The following GREB1L variants were observed in gnomAD, a reference collection of about 807,000 sequenced individuals.
GREB1L encodes GREB1-like protein.
In GREB1L, 17 loss-of-function variants were observed where a neutral mutation model predicts 200.8. The ratio of observed to expected loss-of-function variants is 0.08; its 90% CI spans 0.06 to 0.13. The LOEUF (loss-of-function observed/expected upper bound fraction) is 0.13, where lower values mean the gene tolerates loss of function less well. Among genes scored for constraint, GREB1L ranks in the 10% least tolerant of loss-of-function variants. GREB1L has a pLI of 1.00. For missense variants in GREB1L, 1,657 were observed against 2,367.7 expected, an observed-to-expected ratio of 0.70 and a Z score of 6.23; for synonymous variants, 789 against 893.0, an observed-to-expected ratio of 0.88 and a Z score of 2.08.
chr18:21,408,062 A>G (rs1227538388), intron 7 of GREB1L, among the ~76,000 whole-genome samples: 1 of 152,244 alleles, frequency 6.6e-6, no homozygotes, highest in Non-Finnish European at 1.5e-5. Flanking sequence ...GCAGAGCAGC[A>G]TGACTATAGT....
chr18:21,355,697 A>G (rs1055825545), intron 1 of GREB1L, among the ~76,000 whole-genome samples: 3 of 152,192 alleles, frequency 2.0e-5, no homozygotes, highest in African/African-American at 7.2e-5. Context: ...AGTTTCAGAA[A>G]TCTACTCAAA....
chr18:21,255,476 A>G (rs1049480526), intron 1 of GREB1L, among the ~76,000 whole-genome samples: 2 of 152,170 alleles, frequency 1.3e-5, no homozygotes, highest in Non-Finnish European at 2.9e-5. Context: ...AAGCATACCT[A>G]TTATTTACAC....
Position 21,427,905 on chromosome 18 carries a change from T to C in GREB1L, c.833-11616T>C, listed in dbSNP as rs1285356946. ...AATAGAAGCGGCAAGAGTGGACATA[T>C]CTTGGCCGGGCGCGGTGGCTCACGC... On this transcript the variant is annotated intron_variant, in intron 7 of 32. Transcript: ENST00000424526. 3.3e-5 allele frequency among the ~76,000 whole-genome samples: 5 copies of C among 152,210 alleles called. No homozygotes were observed. The East Asian group carries it at 9.7e-4, about 29-fold the overall frequency.
chr18:21,438,283 A>C (rs769946465), intron 7 of GREB1L, among the ~76,000 whole-genome samples: 1 of 152,146 alleles, frequency 6.6e-6, no homozygotes, highest in Non-Finnish European at 1.5e-5. Flanking sequence ...AAAGAAGAAG[A>C]AGAAAAAAAG....
intron 30 of GREB1L, 99 bp from the exon 31 acceptor site, chr18:21,517,935 C>T (rs2037476162): frequency 2.3e-6 from 2 of 882,312 alleles, no homozygotes; most frequent in South Asian, 3.3e-5. Context: ...TGTGCTACTG[C>T]TATTATTTGG....
intron 1 of GREB1L, among the ~76,000 whole-genome samples, chr18:21,319,960 G>A (rs1314927289): frequency 6.6e-6 from 1 of 152,222 alleles, no homozygotes; most frequent in African/African-American, 2.4e-5. Context: ...AAAGCAGTCT[G>A]TGGGTAAGGC....
At chr18:21,495,149 C>G (rs937103843) in intron 19 of GREB1L, among the ~76,000 whole-genome samples, 4 of 152,018 alleles carry the variant, frequency 2.6e-5, no homozygotes, top group Admixed American at 2.0e-4. Flanking sequence ...TTTTAAAAGT[C>G]AGTAAAGCAA....
At chr18:21,275,311 G>T (rs1365408660) in intron 1 of GREB1L, among the ~76,000 whole-genome samples, 1 of 152,130 alleles carries the variant, frequency 6.6e-6, no homozygotes, top group Non-Finnish European at 1.5e-5. Context: ...TGAGAGAAAT[G>T]TAGGAAATAG....
At chr18:21,462,379 G>A (rs1397539775) in intron 15 of GREB1L, among the ~76,000 whole-genome samples, 1 of 152,198 alleles carries the variant, frequency 6.6e-6, no homozygotes, top group African/African-American at 2.4e-5. Flanking sequence ...GCTTATTTTT[G>A]AAAAACAAAA....
chr18:21,508,396 G>A lies in GREB1L; in HGVS notation c.4540G>A (p.Ala1514Thr). The A allele has an allele frequency of 6.4e-7, 1 of 1,551,472 alleles. No homozygotes were observed. The highest frequency in any genetic ancestry group is 2.0e-5 in the Admixed American group (1 of 50,982). ...TTTTCCCTTTCAGCAGAATTTGAAT[G>A]CAGTCAAGAGCCCTATTTTCACTCC... ...LPLVSDKNLN[A>T]VKSPIFTPSS... Residue 1514 changes from alanine to threonine, a missense_variant, in exon 27 of 33, where the codon GCA (alanine) becomes ACA (threonine). Coordinates refer to ENST00000424526, the MANE Select transcript of GREB1L (RefSeq NM_001142966.3).
At chr18:21,299,369 C>T (rs1038421215) in intron 1 of GREB1L, among the ~76,000 whole-genome samples, 4 of 151,382 alleles carry the variant, frequency 2.6e-5, no homozygotes, top group Admixed American at 6.6e-5. Flanking sequence ...AGAAAATATT[C>T]GGATCTTTTT....
Position 21,257,737 on chromosome 18 carries a change from T to G in GREB1L, c.-120+15344T>G, listed in dbSNP as rs200508692. ...TATGCACAAAACACAGCTTTTGATT[T>G]AAAAAACTGCCATAAAGGTCTTCTC... On this transcript the variant is annotated intron_variant, in intron 1 of 32. Transcript: ENST00000424526. 2.6e-5 allele frequency among the ~76,000 whole-genome samples: 4 copies of G among 152,344 alleles called. No homozygotes were observed. The East Asian group carries it at 7.7e-4, about 29-fold the overall frequency.
At chr18:21,246,451 A>G (rs1017839) in intron 1 of GREB1L, among the ~76,000 whole-genome samples, 29,732 of 152,164 alleles carry the variant, frequency 0.2, 6,895 homozygotes, top group African/African-American at 0.56. Flanking sequence ...TTACTAATTT[A>G]ATCAGTGTAA....
intron 7 of GREB1L, among the ~76,000 whole-genome samples, chr18:21,421,076 T>G (rs2032107731): frequency 6.6e-6 from 1 of 152,114 alleles, no homozygotes; most frequent in African/African-American, 2.4e-5. Flanking sequence ...AAGTAATCTA[T>G]AGTGGCAGAA....
Position 21,493,865 on chromosome 18 carries a change from C to CAAAAAAAA in GREB1L, c.3031-1784_3031-1777dup, listed in dbSNP as rs35758360. Among the ~76,000 whole-genome samples, 72 of 38,510 alleles carry CAAAAAAAA rather than the reference C, an allele frequency of 1.9e-3. 27 individuals carry two copies. Among genetic ancestry groups the CAAAAAAAA allele is most frequent in the African/African-American group, 5.3e-3 (43 of 8,038 alleles). 25.3% of individuals were successfully genotyped at this position (38,510 alleles called of 152,430 possible). On this transcript the variant is annotated intron_variant, in intron 19 of 32. Transcript: ENST00000424526. ...TGGGTGACAGAGTGAGACCCTGTCT[C>CAAAAAAAA]AAAAAAAAAAAAAAAAAAAAAAAAA...
At chr18:21,429,888 A>G (rs372891207) in intron 7 of GREB1L, among the ~76,000 whole-genome samples, 57 of 152,290 alleles carry the variant, frequency 3.7e-4, no homozygotes, top group Middle Eastern at 6.8e-3. Flanking sequence ...GGGTGGTTTA[A>G]ACAATAGCAA....
intron 15 of GREB1L, among the ~76,000 whole-genome samples, chr18:21,471,586 G>A (rs2035482527): frequency 6.6e-6 from 1 of 151,708 alleles, no homozygotes; most frequent in African/African-American, 2.4e-5. Context: ...AATAGCTATC[G>A]AAGGTTGAAT....
At chr18:21,394,003 C>A (rs2040939572) in intron 4 of GREB1L, among the ~76,000 whole-genome samples, 1 of 152,178 alleles carries the variant, frequency 6.6e-6, no homozygotes, top group African/African-American at 2.4e-5. Context: ...TTGGGAAAGG[C>A]AGATACAGCG....
At chr18:21,249,038 A>G (rs1022102676) in intron 1 of GREB1L, among the ~76,000 whole-genome samples, 7 of 152,274 alleles carry the variant, frequency 4.6e-5, no homozygotes, top group African/African-American at 1.7e-4. Context: ...AAAAGTAAAA[A>G]CATTAGAAAC....
Sources: gnomAD v4.1 joint callset for allele counts (sites outside exome capture counted in the v4.1 genomes callset) on GRCh38, gnomAD v4.1.1 for gene constraint, MANE v1.5 for transcripts, NCBI Gene and HGNC (gene_info 2026-07-23, HGNC 2026-07-21) for gene names.